The following PLA2G4E variants were observed in gnomAD, a reference collection of about 807,000 sequenced individuals.
The protein encoded by PLA2G4E is phospholipase A2 group IVE.
PLA2G4E carries 84 observed loss-of-function variants against 109.1 expected under a neutral mutation model. That is an observed-to-expected ratio of 0.77 (90% CI 0.65 to 0.92). The LOEUF (loss-of-function observed/expected upper bound fraction) is 0.92, where lower values mean the gene tolerates loss of function less well. Among genes scored for constraint, PLA2G4E ranks in the 40% least tolerant of loss-of-function variants. PLA2G4E has a pLI of 0.00. For synonymous variants in PLA2G4E, 469 were observed against 436.1 expected, an observed-to-expected ratio of 1.08 and a Z score of -0.94; for missense variants, 1,057 against 1,076.6, an observed-to-expected ratio of 0.98 and a Z score of 0.25.
chr15:42,031,246 G>A (rs1232622039), intron 1 of PLA2G4E, among the ~76,000 whole-genome samples: 3 of 152,324 alleles, frequency 2.0e-5, no homozygotes, highest in Admixed American at 6.5e-5. Flanking sequence ...TGGGATTACA[G>A]GTATGAGCCA....
chr15:42,013,101 G>A (rs1029057201), intron 2 of PLA2G4E, among the ~76,000 whole-genome samples: 1 of 152,222 alleles, frequency 6.6e-6, no homozygotes, highest in Non-Finnish European at 1.5e-5. Flanking sequence ...AGGGCTGCCA[G>A]GAAACAGCAC....
intron 1 of PLA2G4E, among the ~76,000 whole-genome samples, chr15:42,020,642 T>A (rs1034708809): frequency 6.6e-6 from 1 of 152,182 alleles, no homozygotes; most frequent in Non-Finnish European, 1.5e-5. Context: ...CTATCTTGGG[T>A]GCTAGCCTGG....
intron 14 of PLA2G4E, 70 bp from the exon 15 acceptor site, chr15:41,989,622 C>G: frequency 6.5e-7 from 1 of 1,538,680 alleles, no homozygotes; most frequent in Non-Finnish European, 8.8e-7. Context: ...GGGCCCCCCT[C>G]CTGCCTGCAG....
intron 1 of PLA2G4E, among the ~76,000 whole-genome samples, chr15:42,026,101 A>C (rs2068690997): frequency 6.6e-6 from 1 of 152,198 alleles, no homozygotes; most frequent in Admixed American, 6.5e-5. Context: ...AATAGATCTC[A>C]CGTTTCCCCT....
At chr15:42,010,607 C>T (rs1324536661) in intron 2 of PLA2G4E, among the ~76,000 whole-genome samples, 1 of 152,174 alleles carries the variant, frequency 6.6e-6, no homozygotes, top group African/African-American at 2.4e-5. Context: ...GCTTGGTCAT[C>T]TGAATGACAT....
rs1381897072 is a variant in PLA2G4E, at chr15:42,011,361, T to C, written c.256+2324A>G. On this transcript the variant is annotated intron_variant, in intron 2 of 19. Coordinates refer to ENST00000399518, the Ensembl canonical transcript of PLA2G4E. ...CCCTGGACAGTGGGAAGTCTGAGCATGCAGGTGCAGGCATGCATGGGGGCA... is the reference window on the plus strand; with the variant it reads ...CCCTGGACAGTGGGAAGTCTGAGCACGCAGGTGCAGGCATGCATGGGGGCA... 2.6e-5 allele frequency among the ~76,000 whole-genome samples: 4 copies of C among 152,346 alleles called. No individual in the cohort carries two copies. In the East Asian group the frequency reaches 5.8e-4, roughly 22 times the overall value.
chr15:41,999,280 T>C (rs2068386859), intron 10 of PLA2G4E, among the ~76,000 whole-genome samples: 1 of 152,196 alleles, frequency 6.6e-6, no homozygotes, highest in African/African-American at 2.4e-5. Context: ...AAGGGATTTG[T>C]ATCTGGCATA....
Position 41,995,161 on chromosome 15 carries a change from G to A in PLA2G4E, c.1247+199C>T, listed in dbSNP as rs77029807. On this transcript the variant is annotated intron_variant, in intron 12 of 19. Transcript: ENST00000399518. ...CATGAGGTCAGAGCTACTGTTATCC[G>A]CACTGTGCAGATACACAAGCCGAGC... Among the ~76,000 whole-genome samples the A allele has an allele frequency of 3.7e-3, 571 of 152,372 alleles. 1 individual carries two copies. Among genetic ancestry groups the A allele is most frequent in the African/African-American group, 0.013 (539 of 41,588 alleles).
chr15:41,984,893 T>C (rs978833005), intron 18 of PLA2G4E, among the ~76,000 whole-genome samples: 57 of 152,298 alleles, frequency 3.7e-4, no homozygotes, highest in African/African-American at 1.4e-3. Flanking sequence ...CTTGGGTGGA[T>C]GTGGTGGGTA....
chr15:41,999,976 C>A, exon 9 of PLA2G4E: 1 of 1,610,522 alleles, frequency 6.2e-7, no homozygotes, highest in Non-Finnish European at 8.5e-7. Flanking sequence ...CTGATGGGGC[C>A]CTTCTTGCGA....
intron 4 of PLA2G4E, 51 bp from the exon 5 acceptor site, chr15:42,005,029 GC>G: frequency 6.2e-7 from 1 of 1,601,650 alleles, no homozygotes; most frequent in Non-Finnish European, 8.5e-7. Flanking sequence ...GCACATCTCT[GC>G]TGACCAGAAC....
exon 14 of PLA2G4E, chr15:41,990,207 C>A: frequency 6.2e-7 from 1 of 1,613,640 alleles, no homozygotes; most frequent in Non-Finnish European, 8.5e-7. Context: ...CAAAGCAGCA[C>A]GCTGATCTGA....
chr15:42,005,953 TG>T (rs1566842098), intron 4 of PLA2G4E, 36 bp downstream of exon 4: 1 of 1,607,042 alleles, frequency 6.2e-7, no homozygotes. Flanking sequence ...GAGGTTATCA[TG>T]AAGCCGGAGT....
At chr15:42,000,030 G>C (rs1381905910) in intron 8 of PLA2G4E, 30 bp from the exon 9 acceptor site, 2 of 1,589,684 alleles carry the variant, frequency 1.3e-6, no homozygotes, top group Non-Finnish European at 1.7e-6. Flanking sequence ...CTGTGAGAGG[G>C]GCTGGGGAGC....
At chr15:42,043,611 C>A (rs1286268176) in intron 1 of PLA2G4E, among the ~76,000 whole-genome samples, 3 of 142,922 alleles carry the variant, frequency 2.1e-5, no homozygotes, top group Admixed American at 7.0e-5. Context: ...AGGCCAGTGA[C>A]AAAAAGCTTA....
At chr15:42,050,561 C>T in exon 1 of PLA2G4E, 1 of 1,550,584 alleles carries the variant, frequency 6.4e-7, no homozygotes, top group East Asian at 2.4e-5. Context: ...AGGTGGGAGA[C>T]CAGGAGTGTC....
chr15:42,033,580 G>C (rs1889152826), intron 1 of PLA2G4E, among the ~76,000 whole-genome samples: 1 of 151,388 alleles, frequency 6.6e-6, no homozygotes, highest in South Asian at 2.1e-4. Context: ...GGACATCCTG[G>C]GTGGGTGGGG....
intron 15 of PLA2G4E, among the ~76,000 whole-genome samples, chr15:41,988,436 C>T (rs1045413996): frequency 2.0e-5 from 3 of 152,154 alleles, no homozygotes; most frequent in Non-Finnish European, 4.4e-5. Context: ...CTGGCAAGTG[C>T]AGGCTTTGAG....
At chr15:41,992,554 G>A (rs1339659632) in intron 13 of PLA2G4E, among the ~76,000 whole-genome samples, 183 bp downstream of exon 13, 3 of 152,242 alleles carry the variant, frequency 2.0e-5, no homozygotes, top group Non-Finnish European at 4.4e-5. Flanking sequence ...GTACACGGGA[G>A]ACAATCCCAC....
Sources: allele counts gnomAD v4.1 joint callset (sites outside exome capture counted in the v4.1 genomes callset), GRCh38; gene constraint gnomAD v4.1.1; transcripts MANE v1.5; gene names NCBI Gene and HGNC (gene_info 2026-07-23, HGNC 2026-07-21).